Variants in DOCK1 observed in about 807,000 individuals in gnomAD.
The protein encoded by DOCK1 is dedicator of cytokinesis 1.
Under a neutral mutation model 262.7 loss-of-function variants are expected in DOCK1, and 138 were observed. The observed-to-expected ratio is 0.53, with a 90% CI of 0.46 to 0.61. The LOEUF is 0.61. Among genes scored for constraint, DOCK1 ranks in the 20% least tolerant of loss-of-function variants. The pLI, the probability that DOCK1 is intolerant of heterozygous loss-of-function variation, is 0.00. For missense variants in DOCK1, 1,908 were observed against 2,370.7 expected, an observed-to-expected ratio of 0.80 and a Z score of 4.05; for synonymous variants, 866 against 867.4, an observed-to-expected ratio of 1.00 and a Z score of 0.03.
At chr10:127,007,544 C>G (rs915032881) in intron 10 of DOCK1, 1 of 152,178 alleles carries the variant, frequency 6.6e-6, no homozygotes, top group Admixed American at 6.5e-5. Context: ...TGACCCGGGC[C>G]ATCTGGGGTT....
At chr10:127,325,750 C>A (rs1032603556) in intron 29 of DOCK1, among the ~76,000 whole-genome samples, 1 of 152,158 alleles carries the variant, frequency 6.6e-6, no homozygotes, top group Non-Finnish European at 1.5e-5. Flanking sequence ...ATTTTAACTA[C>A]AAAATGGGAA....
rs950666492 is a variant in DOCK1 at position 127,444,202 on chromosome 10, C to T, written c.5336C>T (p.Ser1779Phe). Residue 1779 changes from serine to phenylalanine, a missense_variant, in exon 50 of 52, where the codon TCC becomes TTC. By Grantham distance (155) the Ser-to-Phe change is radical. Around this residue, in one of 9 missense-constraint regions of DOCK1, gnomAD observed 383 missense variants for 420.1 expected, o/e 0.91. Transcript: ENST00000623213. ...VIGSERRFSV[S>F]PSSPSSQQTP... ...GGAAGCGAAAGGCGCTTCTCGGTGT[C>T]CCCCTCGTCACCGTCCTCCCAGCAA... is the stretch of plus-strand genomic sequence containing the variant. 3.1e-6 allele frequency: 5 copies of T among 1,609,460 alleles called. No individual in the cohort carries two copies. Among genetic ancestry groups the T allele is most frequent in the Non-Finnish European group, 3.4e-6 (4 of 1,178,536 alleles).
At chr10:126,993,003 C>A (rs1161588600) in intron 6 of DOCK1, among the ~76,000 whole-genome samples, 1 of 152,236 alleles carries the variant, frequency 6.6e-6, no homozygotes, top group African/African-American at 2.4e-5. Context: ...CAGGCCACTT[C>A]GTTTGATGGT....
Position 127,012,225 on chromosome 10 carries a change from C to T in DOCK1, c.1059-7C>T. 6.6e-7 allele frequency: 1 copy of T among 1,519,808 alleles called. No individual in the cohort carries two copies. Among genetic ancestry groups the T allele is most frequent in the Non-Finnish European group, 9.1e-7 (1 of 1,094,352 alleles). 94.1% of individuals were successfully genotyped at this position (1,519,808 alleles called of 1,614,324 possible). A position where few individuals can be genotyped will look rare whatever the true frequency, so the allele number is the denominator to read the frequency against. On this transcript the variant is annotated splice_polypyrimidine_tract_variant and splice_region_variant and intron_variant, in intron 11 of 51. Transcript: ENST00000623213. The surrounding 1 kb of genome is among the most constrained non-coding windows in gnomAD (Gnocchi z 4.0). Reference sequence around the variant, plus strand: ...TCCTGTGGTCTTGGTCGTCCCGTGCCCTCCAGGCTCGCGTTGGACGACGCC... The same window carrying T: ...TCCTGTGGTCTTGGTCGTCCCGTGCTCTCCAGGCTCGCGTTGGACGACGCC...
At chr10:127,413,035 C>T (rs578037485) in intron 43 of DOCK1, among the ~76,000 whole-genome samples, 2 of 152,202 alleles carry the variant, frequency 1.3e-5, no homozygotes, top group African/African-American at 4.8e-5. Context: ...AGGGCAGTGG[C>T]TTTCAGAGCA....
intron 27 of DOCK1, among the ~76,000 whole-genome samples, chr10:127,234,484 C>G (rs1260129002): frequency 1.3e-5 from 2 of 152,086 alleles, no homozygotes; most frequent in African/African-American, 4.8e-5. Context: ...ATGAAAACCA[C>G]AAAACATTCC....
intron 1 of DOCK1, among the ~76,000 whole-genome samples, chr10:126,906,409 C>T (rs866800752): frequency 1.3e-5 from 2 of 152,318 alleles, no homozygotes; most frequent in Middle Eastern, 3.4e-3. Context: ...CTGCGGACGC[C>T]CACCTCTTCG....
intron 29 of DOCK1, among the ~76,000 whole-genome samples, chr10:127,298,462 T>A (rs1268259069): frequency 6.6e-6 from 1 of 152,210 alleles, no homozygotes; most frequent in Non-Finnish European, 1.5e-5. Context: ...GAGTTTTCCC[T>A]TCATTTTTAA....
chr10:127,075,730 G>T (rs1435654699), intron 23 of DOCK1, among the ~76,000 whole-genome samples: 1 of 152,056 alleles, frequency 6.6e-6, no homozygotes, highest in Non-Finnish European at 1.5e-5. Flanking sequence ...TCATGAGAAC[G>T]GCAAGGGGGA....
intron 29 of DOCK1, among the ~76,000 whole-genome samples, chr10:127,277,433 C>T (rs369174567): frequency 5.1e-4 from 77 of 152,082 alleles, no homozygotes; most frequent in African/African-American, 1.6e-3. Flanking sequence ...TGTTTGCCTT[C>T]GTTTTCTGTG....
intron 29 of DOCK1, among the ~76,000 whole-genome samples, chr10:127,297,663 A>G (rs2135409374): frequency 6.6e-6 from 1 of 152,338 alleles, no homozygotes; most frequent in East Asian, 1.9e-4. Context: ...CCAACTTTAC[A>G]GTAATACATT....
intron 27 of DOCK1, among the ~76,000 whole-genome samples, chr10:127,209,875 A>G (rs372367476): frequency 2.0e-5 from 3 of 152,198 alleles, no homozygotes; most frequent in South Asian, 2.1e-4. Context: ...AATACGCAGA[A>G]TCTCTCAGCA....
intron 23 of DOCK1, among the ~76,000 whole-genome samples, chr10:127,075,666 C>A (rs546851183): frequency 2.6e-5 from 4 of 151,984 alleles, no homozygotes; most frequent in Admixed American, 6.6e-5. Context: ...GGAGAGAGAG[C>A]GGAGGGGGAA....
At chr10:127,172,294 G>A (rs1237283075) in intron 27 of DOCK1, among the ~76,000 whole-genome samples, 1 of 152,086 alleles carries the variant, frequency 6.6e-6, no homozygotes. Flanking sequence ...AATTGGCCAC[G>A]GTAGCAGTAT....
chr10:126,935,977 C>T (rs1255219930), intron 1 of DOCK1, among the ~76,000 whole-genome samples: 1 of 152,210 alleles, frequency 6.6e-6, no homozygotes, highest in Non-Finnish European at 1.5e-5. Flanking sequence ...TTCTGGAAAA[C>T]AGTGGCATTT....
chr10:127,247,878 C>T, intron 27 of DOCK1, 130 bp from the exon 28 acceptor site: 1 of 808,330 alleles, frequency 1.2e-6, no homozygotes. Flanking sequence ...GGCAGCAGAA[C>T]CCAGGGCTCC....
intron 1 of DOCK1, among the ~76,000 whole-genome samples, chr10:126,960,745 T>TATATATATATATATATACAC (rs1429186588): frequency 4.1e-4 from 47 of 115,506 alleles, no homozygotes; most frequent in African/African-American, 1.2e-3. Flanking sequence ...TATATATATA[T>TATATATATATATATATACAC]ACACACACAC....
intron 43 of DOCK1, among the ~76,000 whole-genome samples, chr10:127,414,756 C>G (rs976368421): frequency 6.6e-6 from 1 of 152,164 alleles, no homozygotes; most frequent in Non-Finnish European, 1.5e-5. Context: ...TGTATTTGCC[C>G]CTTTTAGTTT....
chr10:127,069,672 G>A (rs2046096114), intron 23 of DOCK1, among the ~76,000 whole-genome samples: 1 of 152,068 alleles, frequency 6.6e-6, no homozygotes, highest in South Asian at 2.1e-4. Flanking sequence ...TCTGTATGGA[G>A]ACAGACTTGT....
Sources: allele counts gnomAD v4.1 joint callset (sites outside exome capture counted in the v4.1 genomes callset), GRCh38; gene constraint gnomAD v4.1.1; regional missense constraint gnomAD v4.1.1; non-coding constraint Gnocchi (gnomAD v3.1); transcripts MANE v1.5; gene names NCBI Gene and HGNC (gene_info 2026-07-23, HGNC 2026-07-21).